SLC10A7: variants seen among roughly 807,000 people sequenced by gnomAD.
The protein encoded by SLC10A7 is solute carrier family 10 member 7, also known as sodium/bile acid cotransporter 7.
A neutral mutation model predicts 43.2 loss-of-function variants in SLC10A7; 29 were observed. That is an observed-to-expected ratio of 0.67 (90% CI 0.50 to 0.92). SLC10A7 has a LOEUF of 0.92. Among genes scored for constraint, SLC10A7 ranks in the 40% least tolerant of loss-of-function variants. The pLI is 0.00. For synonymous variants in SLC10A7, 152 were observed against 144.8 expected (o/e 1.05, Z -0.35); for missense variants, 295 against 403.2 (o/e 0.73, Z 2.30).
At chr4:146,404,196 T>A (rs1325004126) in intron 5 of SLC10A7, among the ~76,000 whole-genome samples, 1 of 152,132 alleles carries the variant, frequency 6.6e-6, no homozygotes, top group Non-Finnish European at 1.5e-5. Flanking sequence ...GTTTTTAATT[T>A]TTTTGTAAAG....
rs1010545595 is a variant in SLC10A7, at chr4:146,325,379, T to C, written c.471+582A>G. ...AAATAAGACAGCTAATTAGCATTTC[T>C]TGTTTTCAGAACAGTTTTTGTTTAG... On this transcript the variant is annotated intron_variant, in intron 6 of 11. Transcript: ENST00000335472. Among the ~76,000 whole-genome samples, 9 of 152,234 alleles carry C rather than the reference T, an allele frequency of 5.9e-5. 1 individual carries two copies. Among genetic ancestry groups the C allele is most frequent in the African/African-American group, 1.7e-4 (7 of 41,464 alleles).
At chr4:146,292,765 A>G (rs766197586) in intron 9 of SLC10A7, among the ~76,000 whole-genome samples, 164 bp downstream of exon 9, 1 of 152,182 alleles carries the variant, frequency 6.6e-6, no homozygotes, top group Non-Finnish European at 1.5e-5. Flanking sequence ...TGTAATGTCT[A>G]CAATTTGAAG....
intron 5 of SLC10A7, among the ~76,000 whole-genome samples, chr4:146,432,962 C>T (rs960540983): frequency 9.3e-5 from 14 of 150,838 alleles, no homozygotes; most frequent in African/African-American, 1.5e-4. Flanking sequence ...AGCGTGAACT[C>T]GGGAGGCGGA....
At chr4:146,466,848 C>T (rs1355895534) in intron 4 of SLC10A7, among the ~76,000 whole-genome samples, 2 of 152,122 alleles carry the variant, frequency 1.3e-5, no homozygotes, top group Non-Finnish European at 2.9e-5. Flanking sequence ...ATGCTCCCAT[C>T]TGGTAAAAGG....
chr4:146,481,713 C>T (rs376350985), intron 4 of SLC10A7, among the ~76,000 whole-genome samples: 13 of 152,302 alleles, frequency 8.5e-5, no homozygotes, highest in African/African-American at 2.6e-4. Context: ...GAGAGAACTG[C>T]ATCCAATCAT....
intron 5 of SLC10A7, among the ~76,000 whole-genome samples, chr4:146,327,364 T>C (rs995645886): frequency 6.6e-6 from 1 of 152,206 alleles, no homozygotes; most frequent in Non-Finnish European, 1.5e-5. Context: ...GCCTATCAAC[T>C]CCATTGGTAT....
intron 5 of SLC10A7, among the ~76,000 whole-genome samples, chr4:146,340,693 T>C (rs1034336087): frequency 1.3e-5 from 2 of 151,876 alleles, no homozygotes; most frequent in African/African-American, 2.4e-5. Context: ...CTTATCCCAA[T>C]AAAATTACTT....
chr4:146,472,458 T>C (rs1268975056), intron 4 of SLC10A7, among the ~76,000 whole-genome samples: 1 of 151,744 alleles, frequency 6.6e-6, no homozygotes, highest in Non-Finnish European at 1.5e-5. Flanking sequence ...TTTTTTTCCT[T>C]TCAAGCCCCT....
chr4:146,367,542 T>C (rs1736483351), intron 5 of SLC10A7, among the ~76,000 whole-genome samples: 1 of 152,236 alleles, frequency 6.6e-6, no homozygotes, highest in South Asian at 2.1e-4. Flanking sequence ...TCCTTTTCAA[T>C]GGAGACACTG....
chr4:146,373,949 G>T (rs1296129765), intron 5 of SLC10A7, among the ~76,000 whole-genome samples: 1 of 152,092 alleles, frequency 6.6e-6, no homozygotes. Flanking sequence ...ATATTCAAGT[G>T]GTTTTAATAA....
Position 146,442,841 on chromosome 4 carries a change from G to GA in SLC10A7, c.397-21_397-20insT. On this transcript the variant is annotated intron_variant, in intron 4 of 11. Coordinates refer to ENST00000335472, the MANE Select transcript of SLC10A7 (RefSeq NM_001029998.6). ...AGCTGCCTATGAAGAAAATAAATAG[G>GA]GGAAAAAAACTCATTGAAAGTAAAT... 3 of 1,510,578 alleles carry GA rather than the reference G, an allele frequency of 2.0e-6. No homozygotes were observed. The highest frequency in any genetic ancestry group is 2.7e-6 in the Non-Finnish European group (3 of 1,111,268). The allele number at this position is 1,510,578 out of a possible 1,614,324, so 93.6% of individuals were successfully genotyped here.
chr4:146,279,211 A>T (rs546657688), intron 10 of SLC10A7, among the ~76,000 whole-genome samples: 45 of 152,366 alleles, frequency 3.0e-4, no homozygotes, highest in South Asian at 1.7e-3. Flanking sequence ...ATTTAAAAAC[A>T]TTAAAAACTA....
chr4:146,491,727 G>A (rs530401962), intron 4 of SLC10A7, among the ~76,000 whole-genome samples: 23 of 139,834 alleles, frequency 1.6e-4, no homozygotes, highest in African/African-American at 5.8e-4. Flanking sequence ...AAGGAAGGAA[G>A]GAAGGAAGGA....
intron 4 of SLC10A7, among the ~76,000 whole-genome samples, chr4:146,499,861 T>C (rs910554133): frequency 6.6e-6 from 1 of 152,182 alleles, no homozygotes; most frequent in Non-Finnish European, 1.5e-5. Context: ...GGAATAAACA[T>C]GTAAGTAGAC....
intron 5 of SLC10A7, among the ~76,000 whole-genome samples, chr4:146,389,708 T>C (rs1481952591): frequency 6.6e-6 from 1 of 152,186 alleles, no homozygotes; most frequent in Non-Finnish European, 1.5e-5. Flanking sequence ...GCTTCTAATG[T>C]AACAGGGCAG....
intron 6 of SLC10A7, among the ~76,000 whole-genome samples, chr4:146,323,114 T>C (rs1732849819): frequency 6.6e-6 from 1 of 152,246 alleles, no homozygotes; most frequent in Admixed American, 6.5e-5. Flanking sequence ...ATTCTGGATA[T>C]TGCCCCTTGT....
At chr4:146,303,353 AT>A (rs1192376710) in intron 7 of SLC10A7, among the ~76,000 whole-genome samples, 5 of 151,196 alleles carry the variant, frequency 3.3e-5, no homozygotes, top group African/African-American at 1.2e-4. Context: ...TTACACGTCT[AT>A]GCACACATTT....
At chr4:146,452,161 G>A (rs997509795) in intron 4 of SLC10A7, among the ~76,000 whole-genome samples, 34 of 152,086 alleles carry the variant, frequency 2.2e-4, no homozygotes, top group African/African-American at 7.7e-4. Flanking sequence ...GCTTGAGTAG[G>A]CACATTAAAT....
intron 4 of SLC10A7, among the ~76,000 whole-genome samples, chr4:146,493,472 C>G (rs1401604109): frequency 1.4e-5 from 2 of 146,812 alleles, no homozygotes; most frequent in South Asian, 4.3e-4. Context: ...GGCAACAGTG[C>G]GAGACTCTGT....
Sources: allele counts gnomAD v4.1 joint callset (sites outside exome capture counted in the v4.1 genomes callset), GRCh38; gene constraint gnomAD v4.1.1; transcripts MANE v1.5; gene names NCBI Gene and HGNC (gene_info 2026-07-23, HGNC 2026-07-21).